Variants in TTC17 observed in about 807,000 individuals in gnomAD.
TTC17 encodes tetratricopeptide repeat protein 17.
TTC17 carries 58 observed loss-of-function variants against 143.8 expected under a neutral mutation model. The observed-to-expected ratio is 0.40, with a 90% CI of 0.33 to 0.50. The LOEUF (loss-of-function observed/expected upper bound fraction) is 0.50, where lower values mean the gene tolerates loss of function less well. TTC17 is among the 20% of genes least tolerant of loss of function. TTC17 has a pLI of 0.49. For missense variants in TTC17, 1,273 were observed against 1,392.5 expected (o/e 0.91, Z 1.37); for synonymous variants, 501 against 497.8 (o/e 1.01, Z -0.09).
chr11:43,412,554 A>G (rs1340554957), intron 15 of TTC17, among the ~76,000 whole-genome samples: 1 of 152,236 alleles, frequency 6.6e-6, no homozygotes, highest in Non-Finnish European at 1.5e-5. Context: ...ACTAAGAGAA[A>G]GAAGACATAA....
intron 21 of TTC17, among the ~76,000 whole-genome samples, chr11:43,485,204 G>A (rs907416098): frequency 3.3e-5 from 5 of 152,114 alleles, no homozygotes; most frequent in African/African-American, 1.2e-4. Flanking sequence ...TGCCAAAAAG[G>A]TTGGGGACCT....
intron 16 of TTC17, among the ~76,000 whole-genome samples, chr11:43,417,457 T>C (rs923994427): frequency 6.6e-6 from 1 of 151,918 alleles, no homozygotes; most frequent in Admixed American, 6.6e-5. Context: ...AATATAGAGG[T>C]TTCAAGAGAG....
At chr11:43,483,137 AAAG>A (rs1355212171) in intron 21 of TTC17, among the ~76,000 whole-genome samples, 2 of 152,030 alleles carry the variant, frequency 1.3e-5, no homozygotes, top group African/African-American at 4.8e-5. Context: ...TCAAGAACAA[AAAG>A]AAAACCTGAA....
chr11:43,398,093 GA>G lies in TTC17; in HGVS notation c.1041del (p.Lys347AsnfsTer13). ...AVLCQQKLEQ[K>X]LEAQHRSLQR... ...TCCTATGTCAGCAAAAACTGGAGCA[GA>G]AATTGGAGGCTCAGCATAGGTAATT... On this transcript the variant is annotated frameshift_variant, in exon 8 of 24. Transcript: ENST00000039989. LOFTEE classifies it high-confidence loss of function. 1 of 1,614,058 alleles carries G rather than the reference GA, an allele frequency of 6.2e-7. No homozygotes were observed. Among genetic ancestry groups the G allele is most frequent in the Non-Finnish European group, 8.5e-7 (1 of 1,179,984 alleles).
chr11:43,428,187 G>A (rs1430118824), intron 16 of TTC17, among the ~76,000 whole-genome samples: 1 of 151,734 alleles, frequency 6.6e-6, no homozygotes, highest in East Asian at 1.9e-4. Flanking sequence ...TGTCTCTCTC[G>A]ACCCTCATTG....
rs140853626 is a variant in TTC17, at chr11:43,490,114, G to A, written c.3031-125G>A. The A allele has an allele frequency of 5.2e-4, 682 of 1,313,730 alleles. 3 individuals are homozygous for A. Among genetic ancestry groups the A allele is most frequent in the Middle Eastern group, 2.5e-3 (12 of 4,878 alleles). 81.4% of individuals were successfully genotyped at this position (1,313,730 alleles called of 1,614,324 possible). A position where few individuals can be genotyped will look rare whatever the true frequency, so the allele number is the denominator to read the frequency against. On this transcript the variant is annotated intron_variant, in intron 21 of 23. Transcript: ENST00000039989. ...GGACAGGTGGAACAGAAAGTGCTGA[G>A]CAGAGTGCCAGCACTTAGTAAATAC...
chr11:43,402,031 A>C (rs988288125), intron 10 of TTC17, among the ~76,000 whole-genome samples: 4 of 149,018 alleles, frequency 2.7e-5, no homozygotes, highest in Non-Finnish European at 4.5e-5. Flanking sequence ...AAATAAATAA[A>C]GAGCGAGAGA....
chr11:43,490,871 A>AC (rs1375024323), intron 22 of TTC17: 1 of 151,334 alleles, frequency 6.6e-6, no homozygotes, highest in Non-Finnish European at 1.5e-5. Context: ...AAAAAAAAAA[A>AC]AAAAAAAAAA....
intron 21 of TTC17, among the ~76,000 whole-genome samples, chr11:43,467,761 A>C (rs935281045): frequency 1.3e-5 from 2 of 152,220 alleles, no homozygotes; most frequent in African/African-American, 4.8e-5. Context: ...CAAACTGAAG[A>C]TGAAGAAGAA....
At chr11:43,376,667 G>A (rs771352659) in intron 1 of TTC17, among the ~76,000 whole-genome samples, 2 of 152,078 alleles carry the variant, frequency 1.3e-5, no homozygotes, top group Non-Finnish European at 2.9e-5. Context: ...TCTTTTACAC[G>A]TTGTATATGA....
At chr11:43,414,821 G>T in intron 16 of TTC17, 45 bp downstream of exon 16, 5 of 1,567,918 alleles carry the variant, frequency 3.2e-6, no homozygotes, top group Non-Finnish European at 2.6e-6. Flanking sequence ...CTCAGCCAGA[G>T]TTCCTCTTCT....
At chr11:43,368,592 C>G (rs1856443629) in intron 1 of TTC17, among the ~76,000 whole-genome samples, 1 of 152,194 alleles carries the variant, frequency 6.6e-6, no homozygotes, top group South Asian at 2.1e-4. Context: ...CATCTCTTTG[C>G]AGAACCTATG....
intron 2 of TTC17, among the ~76,000 whole-genome samples, chr11:43,387,183 G>A (rs959855707): frequency 6.6e-6 from 1 of 152,126 alleles, no homozygotes; most frequent in African/African-American, 2.4e-5. Context: ...ATGAAAATAT[G>A]TTCAATCTTA....
At chr11:43,466,731 GC>G in intron 21 of TTC17, 4 of 328,044 alleles carry the variant, frequency 1.2e-5, no homozygotes, top group Middle Eastern at 6.1e-4. Flanking sequence ...CATCTGCACT[GC>G]CATGGCCAAA....
At chr11:43,455,346 A>G (rs1312257143) in intron 21 of TTC17, among the ~76,000 whole-genome samples, 1 of 151,938 alleles carries the variant, frequency 6.6e-6, no homozygotes, top group East Asian at 1.9e-4. Context: ...AAATAAACTA[A>G]AAGCAAAAGA....
chr11:43,384,603 G>A (rs866909953), intron 2 of TTC17, among the ~76,000 whole-genome samples: 16 of 151,962 alleles, frequency 1.1e-4, no homozygotes, highest in African/African-American at 3.6e-4. Flanking sequence ...TGAGTGAGCT[G>A]AGATTGCACC....
At chr11:43,430,709 G>GCACGCACA (rs1554994151) in intron 16 of TTC17, among the ~76,000 whole-genome samples, 10 of 138,542 alleles carry the variant, frequency 7.2e-5, no homozygotes, top group South Asian at 2.4e-4. Context: ...CTACATACAC[G>GCACGCACA]CACACACACA....
At chr11:43,382,938 C>T (rs1857028425) in intron 2 of TTC17, among the ~76,000 whole-genome samples, 1 of 151,570 alleles carries the variant, frequency 6.6e-6, no homozygotes, top group African/African-American at 2.4e-5. Context: ...CTTGCTCTGT[C>T]ACCTAGGCTG....
intron 21 of TTC17, among the ~76,000 whole-genome samples, chr11:43,484,799 ATGGGTACTGGTC>A (rs1948351655): frequency 6.6e-6 from 1 of 152,150 alleles, no homozygotes; most frequent in Non-Finnish European, 1.5e-5. Context: ...CAGGCCACGG[ATGGGTACTGGTC>A]TGTGGCCTGT....
Sources: gnomAD v4.1 joint callset for allele counts (sites outside exome capture counted in the v4.1 genomes callset) on GRCh38, gnomAD v4.1.1 for gene constraint, MANE v1.5 for transcripts, NCBI Gene and HGNC (gene_info 2026-07-23, HGNC 2026-07-21) for gene names.